Variants in RASEF observed in about 807,000 individuals in gnomAD.
RASEF encodes the protein RAS and EF-hand domain containing.
Under a neutral mutation model 90.1 loss-of-function variants are expected in RASEF, and 68 were observed. The ratio of observed to expected loss-of-function variants is 0.75; its 90% CI spans 0.62 to 0.92. The LOEUF (loss-of-function observed/expected upper bound fraction) is 0.92. Ranked by LOEUF, RASEF falls within the 40% of genes least tolerant of loss-of-function variation. RASEF has a pLI of 0.00. For missense variants in RASEF, 949 were observed against 937.2 expected (o/e 1.01, Z -0.16); for synonymous variants, 331 against 345.2 (o/e 0.96, Z 0.46).
chr9:83,115,971 A>G, the RASEF span, among the ~76,000 whole-genome samples: 1 of 152,196 alleles, frequency 6.6e-6, no homozygotes, highest in Admixed American at 6.5e-5. Context: ...AGTTTTAACA[A>G]AGAAATAGAA....
the RASEF span, among the ~76,000 whole-genome samples, chr9:83,214,611 C>A: frequency 6.6e-6 from 1 of 152,026 alleles, no homozygotes; most frequent in African/African-American, 2.4e-5. Context: ...ATGGGAGGGA[C>A]CCTGTGGGAG....
At chr9:83,136,029 T>C in the RASEF span, among the ~76,000 whole-genome samples, 1 of 152,054 alleles carries the variant, frequency 6.6e-6, no homozygotes, top group East Asian at 1.9e-4. Context: ...TATGTGTATA[T>C]GTATATACAT....
the RASEF span, among the ~76,000 whole-genome samples, chr9:83,092,582 A>G: frequency 1.3e-5 from 2 of 152,098 alleles, no homozygotes; most frequent in Non-Finnish European, 2.9e-5. Context: ...TGAGTGTCAC[A>G]GCTCTTAAAA....
the RASEF span, among the ~76,000 whole-genome samples, chr9:83,116,704 C>T: frequency 2.6e-5 from 4 of 152,160 alleles, no homozygotes; most frequent in Admixed American, 2.0e-4. Context: ...TCAGAAAATA[C>T]ACAAATTTCT....
chr9:83,066,120 T>C (rs1213319394), upstream of RASEF, among the ~76,000 whole-genome samples: 3 of 152,180 alleles, frequency 2.0e-5, no homozygotes, highest in African/African-American at 7.2e-5. Context: ...AGATCAAATA[T>C]TTCACCCTTT....
the RASEF span, among the ~76,000 whole-genome samples, chr9:83,076,138 A>G: frequency 6.6e-6 from 1 of 151,532 alleles, no homozygotes; most frequent in South Asian, 2.1e-4. Context: ...ACTGTACTAC[A>G]GCCTGGTGAC....
the RASEF span, among the ~76,000 whole-genome samples, chr9:83,090,538 G>T: frequency 6.6e-6 from 1 of 151,924 alleles, no homozygotes; most frequent in African/African-American, 2.4e-5. Flanking sequence ...TGAGTAGCTG[G>T]GATTACAGGC....
At chr9:83,019,844 T>G (rs1829411345) in intron 3 of RASEF, among the ~76,000 whole-genome samples, 1 of 152,162 alleles carries the variant, frequency 6.6e-6, no homozygotes, top group Non-Finnish European at 1.5e-5. Flanking sequence ...TGATTCCACT[T>G]CTATACAGTT....
the RASEF span, among the ~76,000 whole-genome samples, chr9:83,167,878 G>C: frequency 6.6e-6 from 1 of 152,126 alleles, no homozygotes; most frequent in South Asian, 2.1e-4. Context: ...ATTATATGGA[G>C]TCATATACCA....
At chr9:83,131,061 GA>G in the RASEF span, among the ~76,000 whole-genome samples, 1 of 151,824 alleles carries the variant, frequency 6.6e-6, no homozygotes, top group Admixed American at 6.6e-5. Flanking sequence ...TTCCTCATGT[GA>G]AAAAAAAGTG....
chr9:83,018,289 G>C (rs73467584), intron 3 of RASEF, among the ~76,000 whole-genome samples: 9,236 of 152,136 alleles, frequency 0.061, 638 homozygotes, highest in African/African-American at 0.17. Context: ...CAGAATACGA[G>C]ACCAATCTCA....
chr9:83,067,259 C>T (rs1830288758), upstream of RASEF, among the ~76,000 whole-genome samples: 1 of 152,112 alleles, frequency 6.6e-6, no homozygotes, highest in South Asian at 2.1e-4. Context: ...GGTTCAGGAA[C>T]ACTCTGAAAC....
the RASEF span, among the ~76,000 whole-genome samples, chr9:83,171,930 T>C: frequency 6.6e-6 from 1 of 151,834 alleles, no homozygotes; most frequent in Non-Finnish European, 1.5e-5. Context: ...TGCTCTGATC[T>C]GTATTCTTTT....
At chr9:83,005,626 C>A in intron 7 of RASEF, 126 bp from the exon 8 acceptor site, 1 of 713,890 alleles carries the variant, frequency 1.4e-6, no homozygotes, top group East Asian at 2.7e-5. Flanking sequence ...TGCAACTTTC[C>A]ACCACTTCCC....
Position 83,015,821 on chromosome 9 carries a change from A to G in RASEF, c.749T>C (p.Ile250Thr), listed in dbSNP as rs1353554538. The change falls in exon 4 of 17, where the codon ATT becomes ACT. Residue 250 changes from isoleucine to threonine, a missense_variant. Coordinates refer to ENST00000376447, the MANE Select transcript of RASEF (RefSeq NM_152573.4). ...ETEVGDLQVT[I>T]KKLRKLEEQS... is the part of the protein sequence containing the mutation. ...CATGCCTACCTTTCTTAGCTTTTTA[A>G]TGGTCACCTGCAGATCTCCTACTTC... The G allele has an allele frequency of 6.2e-7, 1 of 1,613,460 alleles. No homozygotes were observed. The highest frequency in any genetic ancestry group is 2.2e-5 in the East Asian group (1 of 44,884).
At chr9:83,013,064 A>G (rs1169901673) in intron 4 of RASEF, among the ~76,000 whole-genome samples, 4 of 152,216 alleles carry the variant, frequency 2.6e-5, no homozygotes, top group Non-Finnish European at 5.9e-5. Context: ...TTGATTATAT[A>G]TACCTACATT....
chr9:83,040,772 T>A (rs1829824938), intron 1 of RASEF, among the ~76,000 whole-genome samples: 1 of 152,252 alleles, frequency 6.6e-6, no homozygotes, highest in South Asian at 2.1e-4. Flanking sequence ...TGTTTACAGT[T>A]AAATAAACCT....
At chr9:83,000,823 G>T in intron 10 of RASEF, 73 bp downstream of exon 10, 1 of 1,300,526 alleles carries the variant, frequency 7.7e-7, no homozygotes, top group Non-Finnish European at 1.1e-6. Context: ...TTCCATGACA[G>T]ATAGAAGGCA....
chr9:83,121,802 T>C, the RASEF span, among the ~76,000 whole-genome samples: 1 of 148,200 alleles, frequency 6.7e-6, no homozygotes, highest in Non-Finnish European at 1.5e-5. Flanking sequence ...CTATTTTGTT[T>C]CTGCAGGAAA....
Sources: allele counts gnomAD v4.1 joint callset (sites outside exome capture counted in the v4.1 genomes callset), GRCh38; gene constraint gnomAD v4.1.1; transcripts MANE v1.5; gene names NCBI Gene and HGNC (gene_info 2026-07-23, HGNC 2026-07-21).